ANGPT1: variants seen among roughly 807,000 people sequenced by gnomAD.
ANGPT1 encodes the protein angiopoietin-1.
A neutral mutation model predicts 62.2 loss-of-function variants in ANGPT1; 17 were observed. That is an observed-to-expected ratio of 0.27 (90% CI 0.19 to 0.41). ANGPT1 has a LOEUF of 0.41. ANGPT1 is among the 10% of genes least tolerant of loss of function. The pLI is 1.00. For missense variants in ANGPT1, 478 were observed against 594.9 expected (o/e 0.80, Z 2.04); for synonymous variants, 199 against 198.9 (o/e 1.00, Z 0.00).
At chr8:107,373,271 A>ATT (rs767146621) in intron 1 of ANGPT1, among the ~76,000 whole-genome samples, 226 of 57,322 alleles carry the variant, frequency 3.9e-3, no homozygotes, top group African/African-American at 8.5e-3. Context: ...TACAAAATAG[A>ATT]TTTTTTTTTT....
At chr8:107,288,191 T>C (rs980145518) in intron 6 of ANGPT1, among the ~76,000 whole-genome samples, 1 of 152,186 alleles carries the variant, frequency 6.6e-6, no homozygotes, top group African/African-American at 2.4e-5. Flanking sequence ...AAATGAGTAT[T>C]GTCATTTTAA....
intron 1 of ANGPT1, among the ~76,000 whole-genome samples, chr8:107,477,921 G>C (rs767512191): frequency 6.6e-6 from 1 of 151,986 alleles, no homozygotes; most frequent in Non-Finnish European, 1.5e-5. Context: ...GGGAAAGTAA[G>C]AAATAAAAAT....
At chr8:107,461,372 A>C (rs569898207) in intron 1 of ANGPT1, among the ~76,000 whole-genome samples, 7 of 152,174 alleles carry the variant, frequency 4.6e-5, no homozygotes, top group African/African-American at 1.4e-4. Flanking sequence ...AGATACCTAA[A>C]GCAACTCAGT....
At chr8:107,444,617 G>A (rs1049436090) in intron 1 of ANGPT1, among the ~76,000 whole-genome samples, 1 of 152,076 alleles carries the variant, frequency 6.6e-6, no homozygotes, top group African/African-American at 2.4e-5. Context: ...AAGTTAAGCT[G>A]GTATGAAGTC....
rs553851594 is a variant in ANGPT1, at chr8:107,478,385, T to G, written c.297+18877A>C. On this transcript the variant is annotated intron_variant, in intron 1 of 8. Coordinates refer to ENST00000517746, the MANE Select transcript of ANGPT1 (RefSeq NM_001146.5). ...CTAACATGGGAAAACCCCACTCTAC[T>G]AAAAATACAAAAAGTAGCTGGGTGT... Among the ~76,000 whole-genome samples the G allele has an allele frequency of 3.3e-5, 5 of 151,886 alleles. No homozygotes were observed. The East Asian group carries it at 9.7e-4, about 30-fold the overall frequency.
intron 2 of ANGPT1, among the ~76,000 whole-genome samples, chr8:107,338,744 A>G (rs1052384664): frequency 6.6e-6 from 1 of 152,226 alleles, no homozygotes; most frequent in Non-Finnish European, 1.5e-5. Flanking sequence ...TGCACAAGAT[A>G]TAACTTTCAA....
At chr8:107,275,100 G>A (rs2130088493) in intron 7 of ANGPT1, among the ~76,000 whole-genome samples, 1 of 152,230 alleles carries the variant, frequency 6.6e-6, no homozygotes. Context: ...GTTGAGTTCT[G>A]TGGGGTTTTG....
intron 4 of ANGPT1, among the ~76,000 whole-genome samples, chr8:107,315,860 A>T (rs1402437785): frequency 1.3e-5 from 2 of 152,140 alleles, no homozygotes; most frequent in Non-Finnish European, 2.9e-5. Flanking sequence ...CCCCTACATG[A>T]ATAAGAGCCA....
intron 1 of ANGPT1, among the ~76,000 whole-genome samples, chr8:107,426,506 T>C (rs768289318): frequency 1.3e-5 from 2 of 152,166 alleles, no homozygotes; most frequent in African/African-American, 4.8e-5. Context: ...GATTGCAGAG[T>C]GGCAAATTGA....
At chr8:107,364,205 A>T (rs891607641) in intron 1 of ANGPT1, among the ~76,000 whole-genome samples, 1 of 152,138 alleles carries the variant, frequency 6.6e-6, no homozygotes, top group African/African-American at 2.4e-5. Flanking sequence ...ATCCACAAGG[A>T]TGTTTTTAGT....
chr8:107,391,154 C>T (rs1816827532), intron 1 of ANGPT1, among the ~76,000 whole-genome samples: 1 of 152,128 alleles, frequency 6.6e-6, no homozygotes, highest in Non-Finnish European at 1.5e-5. Flanking sequence ...GATGTCCAAA[C>T]CCAGAAGAAA....
intron 1 of ANGPT1, among the ~76,000 whole-genome samples, chr8:107,420,347 G>T (rs1810865896): frequency 6.6e-6 from 1 of 152,034 alleles, no homozygotes. Flanking sequence ...CTTGGCCAAG[G>T]TAGTCGTGTA....
chr8:107,402,430 C>T (rs1817064964), intron 1 of ANGPT1, among the ~76,000 whole-genome samples: 1 of 152,168 alleles, frequency 6.6e-6, no homozygotes, highest in Non-Finnish European at 1.5e-5. Context: ...CATTTCTTCA[C>T]TTATTAGATA....
chr8:107,497,664 T>C lies in ANGPT1; in HGVS notation c.-106A>G. Reference sequence around the variant, plus strand: ...AGGTAAAACTGCTTGTTTGTTTGACTCTTTCCCCCTCAAAGAAAGCGTTTG... The same window carrying C: ...AGGTAAAACTGCTTGTTTGTTTGACCCTTTCCCCCTCAAAGAAAGCGTTTG... On this transcript the variant is annotated 5_prime_UTR_variant, in exon 1 of 9. Coordinates refer to ENST00000517746, the MANE Select transcript of ANGPT1 (RefSeq NM_001146.5). 1 of 1,168,622 alleles carries C rather than the reference T, an allele frequency of 8.6e-7. No homozygotes were observed. Among genetic ancestry groups the C allele is most frequent in the Non-Finnish European group, 1.2e-6 (1 of 855,212 alleles). The allele number at this position is 1,168,622 out of a possible 1,614,324, so 72.4% of individuals were successfully genotyped here.
At chr8:107,441,309 A>C (rs1037458557) in intron 1 of ANGPT1, among the ~76,000 whole-genome samples, 2 of 152,118 alleles carry the variant, frequency 1.3e-5, no homozygotes, top group Admixed American at 1.3e-4. Context: ...ATACTGGTTT[A>C]TTTTCTACCC....
At chr8:107,339,111 T>A (rs1205397156) in intron 2 of ANGPT1, among the ~76,000 whole-genome samples, 1 of 152,210 alleles carries the variant, frequency 6.6e-6, no homozygotes, top group East Asian at 1.9e-4. Context: ...CATTTAAAAT[T>A]GAAAACAAAG....
chr8:107,347,248 G>A, intron 1 of ANGPT1, 151 bp from the exon 2 acceptor site: 1 of 681,350 alleles, frequency 1.5e-6, no homozygotes, highest in Non-Finnish European at 2.4e-6. Context: ...AGAAATGGGA[G>A]CAGAGCACAC....
chr8:107,462,612 T>C (rs894310982), intron 1 of ANGPT1, among the ~76,000 whole-genome samples: 4 of 152,018 alleles, frequency 2.6e-5, no homozygotes, highest in Non-Finnish European at 5.9e-5. Flanking sequence ...TGACTAGATT[T>C]GGAAGGTCTT....
At chr8:107,451,845 T>G (rs1811785508) in intron 1 of ANGPT1, among the ~76,000 whole-genome samples, 2 of 151,954 alleles carry the variant, frequency 1.3e-5, no homozygotes, top group African/African-American at 4.8e-5. Context: ...GTGCTTACCT[T>G]TTTATTTGAC....
Sources: gnomAD v4.1 joint callset for allele counts (sites outside exome capture counted in the v4.1 genomes callset) on GRCh38, gnomAD v4.1.1 for gene constraint, MANE v1.5 for transcripts, NCBI Gene and HGNC (gene_info 2026-07-23, HGNC 2026-07-21) for gene names.